NFXL1: variants seen among roughly 807,000 people sequenced by gnomAD.
NFXL1 encodes NF-X1-type zinc finger protein NFXL1.
In NFXL1, 66 loss-of-function variants were observed where a neutral mutation model predicts 123.3. That is an observed-to-expected ratio of 0.54 (90% confidence interval 0.44 to 0.66). The LOEUF is 0.66. NFXL1 is among the 30% of genes least tolerant of loss of function. The pLI is 0.00. For missense variants in NFXL1, 944 were observed against 1,125.6 expected (o/e 0.84, Z 2.31); for synonymous variants, 346 against 360.8 (o/e 0.96, Z 0.46).
intron 5 of NFXL1, among the ~76,000 whole-genome samples, chr4:47,901,432 C>T (rs1204715226): frequency 6.6e-6 from 1 of 152,014 alleles, no homozygotes; most frequent in Non-Finnish European, 1.5e-5. Context: ...GGCAAAACGA[C>T]TACTTAAAAC....
chr4:47,898,578 A>G (rs1737226251), intron 8 of NFXL1, among the ~76,000 whole-genome samples, 179 bp downstream of exon 8: 1 of 152,144 alleles, frequency 6.6e-6, no homozygotes, highest in Non-Finnish European at 1.5e-5. Context: ...TTTTTCCTCT[A>G]ATAATTAAAA....
At chr4:47,901,893 C>T (rs951317130) in intron 5 of NFXL1, among the ~76,000 whole-genome samples, 2 of 152,146 alleles carry the variant, frequency 1.3e-5, no homozygotes, top group African/African-American at 2.4e-5. Flanking sequence ...TTAAAAACTA[C>T]ACCACTGGCC....
intron 18 of NFXL1, among the ~76,000 whole-genome samples, chr4:47,870,995 C>T (rs762227775): frequency 6.6e-6 from 1 of 152,028 alleles, no homozygotes; most frequent in African/African-American, 2.4e-5. Flanking sequence ...TATTAACATA[C>T]GAGGTTGGGA....
At chr4:47,902,656 T>C (rs564804908) in intron 5 of NFXL1, among the ~76,000 whole-genome samples, 1 of 152,308 alleles carries the variant, frequency 6.6e-6, no homozygotes, top group East Asian at 1.9e-4. Context: ...AATTAAGGAA[T>C]TGTTTTGCAC....
At chr4:47,873,992 A>G (rs1232928120) in intron 18 of NFXL1, among the ~76,000 whole-genome samples, 1 of 152,176 alleles carries the variant, frequency 6.6e-6, no homozygotes, top group East Asian at 1.9e-4. Flanking sequence ...CTTCTTCCCT[A>G]AACCTTATGA....
chr4:47,871,082 T>C (rs1735398265), intron 18 of NFXL1, among the ~76,000 whole-genome samples: 1 of 152,154 alleles, frequency 6.6e-6, no homozygotes, highest in Admixed American at 6.5e-5. Flanking sequence ...AGTTTTTATT[T>C]GTTTTGTAAA....
chr4:47,910,232 A>G (rs1470772913), intron 3 of NFXL1, among the ~76,000 whole-genome samples: 1 of 152,012 alleles, frequency 6.6e-6, no homozygotes, highest in Non-Finnish European at 1.5e-5. Flanking sequence ...AGTCTCAGCT[A>G]CTCAGGAAGC....
intron 6 of NFXL1, 35 bp from the exon 7 acceptor site, chr4:47,899,155 A>G: frequency 6.6e-7 from 1 of 1,505,626 alleles, no homozygotes; most frequent in Non-Finnish European, 8.9e-7. Context: ...AAAAAAAAAA[A>G]AAAAATCTAA....
At chr4:47,898,474 G>C (rs1029963199) in intron 8 of NFXL1, among the ~76,000 whole-genome samples, 2 of 152,110 alleles carry the variant, frequency 1.3e-5, no homozygotes, top group African/African-American at 4.8e-5. Flanking sequence ...TGGTTGAAGA[G>C]AGGGGAAAGA....
chr4:47,913,863 C>G (rs1306878700), intron 2 of NFXL1, 106 bp downstream of exon 2: 3 of 730,726 alleles, frequency 4.1e-6, no homozygotes, highest in East Asian at 6.1e-5. Flanking sequence ...AACTCCCGAA[C>G]GAGGGGAAAA....
intron 10 of NFXL1, among the ~76,000 whole-genome samples, chr4:47,895,704 T>C (rs1737044587): frequency 6.6e-6 from 1 of 152,178 alleles, no homozygotes; most frequent in South Asian, 2.1e-4. Context: ...TAAATCTTCC[T>C]CCTTATCATC....
At chr4:47,907,439 C>T (rs1185933637) in intron 3 of NFXL1, among the ~76,000 whole-genome samples, 2 of 152,168 alleles carry the variant, frequency 1.3e-5, no homozygotes, top group Non-Finnish European at 2.9e-5. Flanking sequence ...GATAGAGATA[C>T]TCATCAGGAA....
At chr4:47,877,118 G>C (rs1450070938) in intron 17 of NFXL1, 1 of 669,716 alleles carries the variant, frequency 1.5e-6, no homozygotes, top group Non-Finnish European at 2.4e-6. Flanking sequence ...TAAAAGATCA[G>C]GCACAGTACT....
At chr4:47,900,917 G>A (rs1320235822) in intron 5 of NFXL1, among the ~76,000 whole-genome samples, 1 of 152,150 alleles carries the variant, frequency 6.6e-6, no homozygotes, top group Non-Finnish European at 1.5e-5. Context: ...TAAGTAACTG[G>A]CGCTTTGTTG....
At chr4:47,866,036 A>T (rs1277629772) in intron 18 of NFXL1, among the ~76,000 whole-genome samples, 2 of 152,130 alleles carry the variant, frequency 1.3e-5, no homozygotes, top group Non-Finnish European at 2.9e-5. Flanking sequence ...ATAAAAAAAA[A>T]TTTAAAAAGT....
chr4:47,884,247 G>T, intron 15 of NFXL1, 99 bp downstream of exon 15: 1 of 656,974 alleles, frequency 1.5e-6, no homozygotes, highest in South Asian at 2.0e-5. Context: ...AAATAATAAT[G>T]AACTGAACTA....
intron 18 of NFXL1, among the ~76,000 whole-genome samples, chr4:47,872,948 C>T (rs562876057): frequency 6.6e-6 from 1 of 152,166 alleles, no homozygotes. Flanking sequence ...CACAGTAGAA[C>T]TTCTTTCAAA....
chr4:47,859,613 T>G (rs1243642745), intron 19 of NFXL1, among the ~76,000 whole-genome samples: 1 of 151,990 alleles, frequency 6.6e-6, no homozygotes, highest in Non-Finnish European at 1.5e-5. Context: ...GAGGCCAATG[T>G]GGGCAAACCA....
At chr4:47,907,171 G>A (rs1256399914) in intron 3 of NFXL1, among the ~76,000 whole-genome samples, 1 of 152,172 alleles carries the variant, frequency 6.6e-6, no homozygotes, top group African/African-American at 2.4e-5. Flanking sequence ...AACTTAGGAG[G>A]ACTTGGTGAC....
Sources: allele counts gnomAD v4.1 joint callset (sites outside exome capture counted in the v4.1 genomes callset), GRCh38; gene constraint gnomAD v4.1.1; transcripts MANE v1.5; gene names NCBI Gene and HGNC (gene_info 2026-07-23, HGNC 2026-07-21).